C11orf65: variants seen among roughly 807,000 people sequenced by gnomAD.
The protein encoded by C11orf65 is protein MFI.
A neutral mutation model predicts 35.3 loss-of-function variants in C11orf65; 38 were observed. That is an observed-to-expected ratio of 1.08 (90% CI 0.83 to 1.41). The LOEUF (loss-of-function observed/expected upper bound fraction) is 1.41. Ranked by LOEUF, C11orf65 falls within the 40% of genes most tolerant of loss-of-function variation. The pLI, the probability that C11orf65 is intolerant of heterozygous loss-of-function variation, is 0.00. For synonymous variants in C11orf65, 105 were observed against 114.4 expected (o/e 0.92, Z 0.53); for missense variants, 370 against 367.1 (o/e 1.01, Z -0.06).
chr11:108,327,001 T>C (rs2085744716), downstream of C11orf65, among the ~76,000 whole-genome samples: 1 of 152,108 alleles, frequency 6.6e-6, no homozygotes, highest in Non-Finnish European at 1.5e-5. Flanking sequence ...AATTTTTTTG[T>C]ATTTTTAGTA....
chr11:108,319,420 T>C (rs2085027141), intron 6 of C11orf65, among the ~76,000 whole-genome samples: 1 of 152,124 alleles, frequency 6.6e-6, no homozygotes, highest in African/African-American at 2.4e-5. Context: ...CTTCTCCTTT[T>C]CCCCCAGTTA....
intron 2 of C11orf65, among the ~76,000 whole-genome samples, chr11:108,456,144 G>A (rs2093409246): frequency 1.3e-5 from 2 of 152,140 alleles, no homozygotes; most frequent in Admixed American, 6.6e-5. Context: ...AACAGGGTGA[G>A]ACTCTGTCTT....
chr11:108,353,913 T>C, intron 2 of C11orf65: 1 of 1,576,920 alleles, frequency 6.3e-7, no homozygotes. Flanking sequence ...GGGAAATAAT[T>C]TTTGATGTCA....
At chr11:108,375,973 C>A (rs538698094) in intron 2 of C11orf65, among the ~76,000 whole-genome samples, 1,665 of 152,230 alleles carry the variant, frequency 0.011, 29 homozygotes, top group African/African-American at 0.037. Context: ...CAGGAGCACC[C>A]AGATTCATAA....
intron 2 of C11orf65, among the ~76,000 whole-genome samples, chr11:108,444,769 T>A (rs959278377): frequency 6.6e-6 from 1 of 152,040 alleles, no homozygotes; most frequent in African/African-American, 2.4e-5. Context: ...GGACACTGGG[T>A]ACAGCGCACC....
At chr11:108,313,014 C>T (rs1054373549) in intron 6 of C11orf65, among the ~76,000 whole-genome samples, 2 of 152,148 alleles carry the variant, frequency 1.3e-5, no homozygotes, top group Admixed American at 6.5e-5. Context: ...TCTTCTATGC[C>T]GCTGCTTTCA....
intron 2 of C11orf65, among the ~76,000 whole-genome samples, chr11:108,436,397 A>G (rs934758551): frequency 3.3e-4 from 51 of 152,340 alleles, no homozygotes; most frequent in African/African-American, 1.2e-3. Context: ...TTTAAAGTAT[A>G]AGATATCATA....
chr11:108,459,304 T>C (rs1591615695), intron 2 of C11orf65, among the ~76,000 whole-genome samples: 1 of 152,154 alleles, frequency 6.6e-6, no homozygotes. Flanking sequence ...TTTTGCCTAA[T>C]AGTATGTATC....
In C11orf65 at chr11:108,354,824, A is replaced by G. The variant is rs746351323; in HGVS notation, c.227-19532T>C. 3.1e-6 allele frequency: 5 copies of G among 1,613,806 alleles called. No homozygotes were observed. Among genetic ancestry groups the G allele is most frequent in the Admixed American group, 1.7e-5 (1 of 60,030 alleles). ...GTTTGACTCTAGATGCTGTGAGAAA[A>G]CCATGGAAGTGATGAGAAACTCTCA... On this transcript the variant is annotated intron_variant, in intron 2 of 3. Transcript: ENST00000524755.
intron 2 of C11orf65, among the ~76,000 whole-genome samples, chr11:108,370,968 A>C (rs1194507665): frequency 1.3e-5 from 2 of 152,198 alleles, no homozygotes; most frequent in Non-Finnish European, 1.5e-5. Context: ...AATCAGTAAT[A>C]AAATCAGGAA....
intron 6 of C11orf65, among the ~76,000 whole-genome samples, chr11:108,318,449 G>C (rs1591797911): frequency 6.6e-6 from 1 of 152,106 alleles, no homozygotes; most frequent in East Asian, 1.9e-4. Context: ...CCAGCACTTG[G>C]AGAGCTGAGG....
At chr11:108,430,376 T>A (rs1317152947) in intron 3 of C11orf65, among the ~76,000 whole-genome samples, 2 of 150,320 alleles carry the variant, frequency 1.3e-5, no homozygotes, top group Non-Finnish European at 1.5e-5. Context: ...CCTGACCTCG[T>A]GATCCGCCCG....
intron 6 of C11orf65, among the ~76,000 whole-genome samples, chr11:108,403,542 T>A (rs2092482431): frequency 6.6e-6 from 1 of 152,026 alleles, no homozygotes; most frequent in African/African-American, 2.4e-5. Flanking sequence ...GTTTCTTTTA[T>A]AGTTCCTGAC....
chr11:108,394,281 C>G (rs926258345), intron 6 of C11orf65, among the ~76,000 whole-genome samples: 2 of 151,154 alleles, frequency 1.3e-5, no homozygotes, highest in Non-Finnish European at 2.9e-5. Context: ...AAATATCATT[C>G]AAAGCTGGGC....
At chr11:108,451,091 C>T (rs2093341700) in intron 2 of C11orf65, among the ~76,000 whole-genome samples, 1 of 151,918 alleles carries the variant, frequency 6.6e-6, no homozygotes, top group Admixed American at 6.5e-5. Context: ...CCTTTGAAAA[C>T]TGGCACAAGA....
At position 108,345,662 on chromosome 11, in the gene C11orf65, C is replaced by T. The variant is rs1350725896; in HGVS notation, c.227-10370G>A. 4 of 1,187,370 alleles carry T rather than the reference C, an allele frequency of 3.4e-6. No homozygotes were observed. In the African/African-American group the frequency reaches 6.2e-5, roughly 19 times the overall value. 73.6% of individuals were successfully genotyped at this position (1,187,370 alleles called of 1,614,324 possible). On this transcript the variant is annotated intron_variant, in intron 2 of 3. Transcript: ENST00000524755. ...TCATCTTTATTGCCCCTATATCTGT[C>T]ATATTTTTATATAAAAATGTGTATA...
chr11:108,417,745 C>T (rs1037428008), intron 3 of C11orf65, among the ~76,000 whole-genome samples: 1 of 151,816 alleles, frequency 6.6e-6, no homozygotes, highest in African/African-American at 2.4e-5. Context: ...GGGAGGGGAA[C>T]ATCACACTCT....
chr11:108,317,658 C>G, intron 6 of C11orf65: 1 of 188,708 alleles, frequency 5.3e-6, no homozygotes, highest in Non-Finnish European at 9.0e-6. Context: ...TATATACACA[C>G]ACACACACAC....
At chr11:108,420,947 T>C (rs1329314747) in intron 3 of C11orf65, among the ~76,000 whole-genome samples, 1 of 152,110 alleles carries the variant, frequency 6.6e-6, no homozygotes, top group Non-Finnish European at 1.5e-5. Flanking sequence ...ATATGTTTTA[T>C]TTTGGTAAAA....
Sources: allele counts gnomAD v4.1 joint callset (sites outside exome capture counted in the v4.1 genomes callset), GRCh38; gene constraint gnomAD v4.1.1; transcripts MANE v1.5; gene names NCBI Gene and HGNC (gene_info 2026-07-23, HGNC 2026-07-21).